Variants in TCF4 observed in about 807,000 individuals in gnomAD.
TCF4 encodes the protein SL3-3 enhancer factor 2.
In TCF4, 3 loss-of-function variants were observed where a neutral mutation model predicts 82.1. The ratio of observed to expected loss-of-function variants is 0.04; its 90% CI spans 0.02 to 0.09. TCF4 has a LOEUF of 0.09. Among genes scored for constraint, TCF4 ranks in the 10% least tolerant of loss-of-function variants. The pLI is 1.00. For synonymous variants in TCF4, 276 were observed against 309.6 expected (o/e 0.89, Z 1.14); for missense variants, 518 against 852.7 (o/e 0.61, Z 4.89).
chr18:55,471,029 C>T (rs1159611034), intron 3 of TCF4, among the ~76,000 whole-genome samples: 1 of 152,104 alleles, frequency 6.6e-6, no homozygotes, highest in Admixed American at 6.6e-5. Flanking sequence ...CTTGGCTGAG[C>T]CCTCACACAA....
chr18:55,431,867 G>A (rs1204229593), intron 5 of TCF4, among the ~76,000 whole-genome samples: 1 of 152,154 alleles, frequency 6.6e-6, no homozygotes. Flanking sequence ...AATGTCGGGG[G>A]GGTCTTCCAA....
chr18:55,379,342 T>C (rs1163671479), intron 6 of TCF4, among the ~76,000 whole-genome samples: 5 of 152,222 alleles, frequency 3.3e-5, no homozygotes, highest in Non-Finnish European at 7.3e-5. Context: ...CATTGGACAA[T>C]GTGCCTGCAC....
intron 3 of TCF4, among the ~76,000 whole-genome samples, chr18:55,517,575 C>G (rs1458619938): frequency 6.6e-6 from 1 of 152,040 alleles, no homozygotes; most frequent in African/African-American, 2.4e-5. Flanking sequence ...TAAATATAAG[C>G]TAACAACATT....
At chr18:55,319,936 A>G (rs940149425) in intron 8 of TCF4, among the ~76,000 whole-genome samples, 3 of 152,190 alleles carry the variant, frequency 2.0e-5, no homozygotes, top group Non-Finnish European at 2.9e-5. Context: ...GTAATCCTGA[A>G]AGATAAAAAC....
chr18:55,620,351 C>G (rs1227671443), intron 2 of TCF4, among the ~76,000 whole-genome samples: 1 of 152,130 alleles, frequency 6.6e-6, no homozygotes, highest in Non-Finnish European at 1.5e-5. Context: ...ACTAACAATG[C>G]AAGACCCTTA....
chr18:55,413,939 T>G (rs1267753607), intron 5 of TCF4, among the ~76,000 whole-genome samples: 1 of 152,226 alleles, frequency 6.6e-6, no homozygotes, highest in Non-Finnish European at 1.5e-5. Context: ...GTGTAACATG[T>G]GCTGGATGCA....
intron 3 of TCF4, among the ~76,000 whole-genome samples, chr18:55,500,236 G>A (rs1206612080): frequency 1.3e-5 from 2 of 152,108 alleles, no homozygotes; most frequent in East Asian, 1.9e-4. Flanking sequence ...TAGGACCACC[G>A]ACCTGGATGA....
intron 8 of TCF4, among the ~76,000 whole-genome samples, chr18:55,282,867 G>A (rs150567971): frequency 6.6e-6 from 1 of 151,926 alleles, no homozygotes; most frequent in African/African-American, 2.4e-5. Flanking sequence ...TTAGATCAAG[G>A]TGACTGTTGG....
At chr18:55,628,163 G>A (rs1415696901) in intron 2 of TCF4, among the ~76,000 whole-genome samples, 1 of 152,180 alleles carries the variant, frequency 6.6e-6, no homozygotes, top group Non-Finnish European at 1.5e-5. Context: ...TCAGGACTTG[G>A]TGGTGATAGT....
At chr18:55,353,501 T>C (rs1362859580) in intron 6 of TCF4, among the ~76,000 whole-genome samples, 1 of 152,196 alleles carries the variant, frequency 6.6e-6, no homozygotes, top group Non-Finnish European at 1.5e-5. Context: ...CTTTCTCACT[T>C]GGACAATAGA....
intron 6 of TCF4, among the ~76,000 whole-genome samples, chr18:55,354,749 A>C (rs1476431709): frequency 6.6e-6 from 1 of 152,180 alleles, no homozygotes; most frequent in African/African-American, 2.4e-5. Context: ...AGTACGATGA[A>C]TACTGCTTTT....
intron 5 of TCF4, among the ~76,000 whole-genome samples, chr18:55,460,090 T>C (rs2095844533): frequency 6.6e-6 from 1 of 152,328 alleles, no homozygotes; most frequent in Non-Finnish European, 1.5e-5. Context: ...TTTGCAGTTA[T>C]GGTCTCAGAA....
intron 8 of TCF4, among the ~76,000 whole-genome samples, chr18:55,286,564 CA>C (rs2063736433): frequency 6.6e-6 from 1 of 152,136 alleles, no homozygotes; most frequent in Non-Finnish European, 1.5e-5. Flanking sequence ...AATGGGCAGT[CA>C]AACAGCATGA....
At chr18:55,396,549 C>T (rs927563707) in intron 6 of TCF4, among the ~76,000 whole-genome samples, 4 of 152,116 alleles carry the variant, frequency 2.6e-5, no homozygotes, top group Admixed American at 1.3e-4. Context: ...TGATGATCAA[C>T]CTTGTGAGAT....
At chr18:55,328,566 C>T (rs1271110209) in intron 8 of TCF4, among the ~76,000 whole-genome samples, 1 of 152,152 alleles carries the variant, frequency 6.6e-6, no homozygotes, top group East Asian at 1.9e-4. Context: ...AGCTGGTTAG[C>T]GAGCTTACCA....
chr18:55,390,329 G>A (rs1183769840), intron 6 of TCF4, among the ~76,000 whole-genome samples: 15 of 129,274 alleles, frequency 1.2e-4, no homozygotes, highest in Admixed American at 9.7e-4. Context: ...GAAAAGAAAA[G>A]TCATAAATAC....
chr18:55,286,580 T>C (rs1480555745), intron 8 of TCF4, among the ~76,000 whole-genome samples: 1 of 152,150 alleles, frequency 6.6e-6, no homozygotes, highest in East Asian at 1.9e-4. Flanking sequence ...GCATGAGAGA[T>C]TAGTCAAGAA....
intron 6 of TCF4, among the ~76,000 whole-genome samples, chr18:55,356,770 C>A (rs984744590): frequency 2.0e-5 from 3 of 152,028 alleles, no homozygotes; most frequent in African/African-American, 4.8e-5. Flanking sequence ...TAAAAAAAAT[C>A]TTTTACTTCT....
intron 2 of TCF4, among the ~76,000 whole-genome samples, chr18:55,609,827 T>G (rs1200594531): frequency 6.6e-6 from 1 of 152,112 alleles, no homozygotes; most frequent in Non-Finnish European, 1.5e-5. Context: ...TTTTCCTACC[T>G]CTGTTGGGCC....
Sources: gnomAD v4.1 joint callset for allele counts (sites outside exome capture counted in the v4.1 genomes callset) on GRCh38, gnomAD v4.1.1 for gene constraint, MANE v1.5 for transcripts, NCBI Gene and HGNC (gene_info 2026-07-23, HGNC 2026-07-21) for gene names.